The following STK33 variants were observed in gnomAD, a reference collection of about 807,000 sequenced individuals.
STK33 encodes serine/threonine-protein kinase 33.
STK33 carries 52 observed loss-of-function variants against 58.0 expected under a neutral mutation model. The ratio of observed to expected loss-of-function variants is 0.90; its 90% CI spans 0.72 to 1.13. The LOEUF is 1.13. Among genes scored for constraint, STK33 ranks in the 50% most tolerant of loss-of-function variants. The pLI is 0.00. For synonymous variants in STK33, 215 were observed against 200.1 expected (o/e 1.07, Z -0.63); for missense variants, 630 against 604.2 (o/e 1.04, Z -0.45).
chr11:8,337,331 TATTG>T, the STK33 span, among the ~76,000 whole-genome samples: 1 of 152,216 alleles, frequency 6.6e-6, no homozygotes, highest in Admixed American at 6.5e-5. Flanking sequence ...GGACACATCT[TATTG>T]ATTTTCTTTC....
intron 1 of STK33, among the ~76,000 whole-genome samples, chr11:8,566,800 A>C (rs1957475691): frequency 1.3e-5 from 2 of 152,210 alleles, no homozygotes; most frequent in Non-Finnish European, 2.9e-5. Context: ...CCTCTAGTGG[A>C]AATTTTTTAA....
intron 1 of STK33, among the ~76,000 whole-genome samples, chr11:8,587,327 T>C (rs1454943849): frequency 6.6e-6 from 1 of 152,198 alleles, no homozygotes; most frequent in Non-Finnish European, 1.5e-5. Flanking sequence ...CTATGATATT[T>C]GCTTTTCAGA....
chr11:8,335,855 C>T, the STK33 span, among the ~76,000 whole-genome samples: 1 of 152,200 alleles, frequency 6.6e-6, no homozygotes, highest in African/African-American at 2.4e-5. Flanking sequence ...ATTTTACACT[C>T]ACAGCACAGC....
intron 1 of STK33, among the ~76,000 whole-genome samples, chr11:8,512,874 T>C (rs1952453023): frequency 6.6e-6 from 1 of 152,190 alleles, no homozygotes; most frequent in Admixed American, 6.5e-5. Flanking sequence ...TTTCTTCCTA[T>C]TGTGCCTTAT....
chr11:8,517,763 A>C (rs1397464980), intron 1 of STK33, among the ~76,000 whole-genome samples: 1 of 152,190 alleles, frequency 6.6e-6, no homozygotes, highest in Non-Finnish European at 1.5e-5. Context: ...AAATTAATGA[A>C]ATGAAGCGAG....
intron 1 of STK33, among the ~76,000 whole-genome samples, chr11:8,488,929 A>G (rs1229093956): frequency 6.6e-6 from 1 of 152,220 alleles, no homozygotes; most frequent in Admixed American, 6.5e-5. Flanking sequence ...GAACCGTTTT[A>G]AATATGTTCA....
At chr11:8,506,444 T>G (rs192006363) in intron 1 of STK33, among the ~76,000 whole-genome samples, 54 of 152,272 alleles carry the variant, frequency 3.5e-4, no homozygotes, top group Non-Finnish European at 5.7e-4. Flanking sequence ...GTTCTGTAAG[T>G]TAGAAATCTA....
intron 1 of STK33, among the ~76,000 whole-genome samples, chr11:8,515,804 A>C (rs1432800863): frequency 6.6e-6 from 1 of 152,218 alleles, no homozygotes; most frequent in Non-Finnish European, 1.5e-5. Flanking sequence ...AAAAAACAAA[A>C]AAACTCTCAA....
rs1458075092 is a variant in STK33, at chr11:8,436,033, C to T, written c.1054G>A (p.Asp352Asn). Residue 352 changes from aspartate (D) to asparagine (N), a missense_variant, in exon 13 of 16, where the codon GAC (aspartate) becomes AAC (asparagine). Transcript: ENST00000687296. ...FENAVWNSIS[D>N]CAKSVLKQLM... is the part of the protein sequence containing the mutation. ...ATAACGCATCTATACTTACCACAGTCACTTATGGAATTCCAGACTGCATTT... is the reference window on the plus strand; with the variant it reads ...ATAACGCATCTATACTTACCACAGTTACTTATGGAATTCCAGACTGCATTT... 25 of 1,565,512 alleles carry T rather than the reference C, an allele frequency of 1.6e-5. No individual in the cohort carries two copies. Among genetic ancestry groups the T allele is most frequent in the Non-Finnish European group, 2.1e-5 (24 of 1,155,470 alleles).
chr11:8,481,358 G>A (rs1486770201), intron 1 of STK33, among the ~76,000 whole-genome samples: 3 of 152,144 alleles, frequency 2.0e-5, no homozygotes, highest in Non-Finnish European at 4.4e-5. Flanking sequence ...AAACTACTCT[G>A]AACTGTGAGC....
At chr11:8,521,954 G>A (rs966322998) in intron 1 of STK33, among the ~76,000 whole-genome samples, 1 of 152,082 alleles carries the variant, frequency 6.6e-6, no homozygotes, top group African/African-American at 2.4e-5. Context: ...TTAGAATGGT[G>A]ATCATTAGAA....
chr11:8,340,239 C>T, the STK33 span, among the ~76,000 whole-genome samples: 1 of 152,172 alleles, frequency 6.6e-6, no homozygotes, highest in East Asian at 1.9e-4. Flanking sequence ...ACTTGAAAGG[C>T]AAGGTTCTTC....
At chr11:8,351,134 T>A in the STK33 span, among the ~76,000 whole-genome samples, 1 of 151,964 alleles carries the variant, frequency 6.6e-6, no homozygotes, top group South Asian at 2.1e-4. Context: ...GACACACCCA[T>A]AACCTCCAAC....
At chr11:8,336,955 G>T in the STK33 span, among the ~76,000 whole-genome samples, 2 of 152,274 alleles carry the variant, frequency 1.3e-5, no homozygotes, top group Non-Finnish European at 2.9e-5. Context: ...CCTCCTGGCA[G>T]CCTGGCCTTG....
chr11:8,557,393 G>A (rs1390134285), intron 1 of STK33, among the ~76,000 whole-genome samples: 1 of 149,720 alleles, frequency 6.7e-6, no homozygotes, highest in African/African-American at 2.5e-5. Flanking sequence ...AAAAAGGAGG[G>A]GAAAAAGGAA....
chr11:8,336,277 G>A, the STK33 span, among the ~76,000 whole-genome samples: 1 of 152,278 alleles, frequency 6.6e-6, no homozygotes, highest in African/African-American at 2.4e-5. Context: ...TCCGTGCCAG[G>A]CACCAGGCTG....
chr11:8,429,008 T>G (rs967666374), intron 14 of STK33, among the ~76,000 whole-genome samples: 3 of 152,026 alleles, frequency 2.0e-5, no homozygotes, highest in Non-Finnish European at 4.4e-5. Flanking sequence ...TTATAGGTGA[T>G]TAATAAAATC....
chr11:8,573,324 G>A (rs1219094223), intron 1 of STK33, among the ~76,000 whole-genome samples: 1 of 152,154 alleles, frequency 6.6e-6, no homozygotes, highest in Non-Finnish European at 1.5e-5. Flanking sequence ...TGGCAAATAA[G>A]CCCATGAAAA....
chr11:8,472,067 C>T (rs535201634), intron 6 of STK33, among the ~76,000 whole-genome samples: 2 of 152,292 alleles, frequency 1.3e-5, no homozygotes, highest in South Asian at 2.1e-4. Flanking sequence ...GCCAGGACTA[C>T]AGCCGAATGC....
Sources: gnomAD v4.1 joint callset for allele counts (sites outside exome capture counted in the v4.1 genomes callset) on GRCh38, gnomAD v4.1.1 for gene constraint, MANE v1.5 for transcripts, NCBI Gene and HGNC (gene_info 2026-07-23, HGNC 2026-07-21) for gene names.